The following ZNF536 variants were observed in gnomAD, a reference collection of about 807,000 sequenced individuals.
ZNF536 encodes the protein zinc finger protein 536.
A neutral mutation model predicts 84.5 loss-of-function variants in ZNF536; 13 were observed. That is an observed-to-expected ratio of 0.15 (90% CI 0.10 to 0.24). The LOEUF is 0.24. Among genes scored for constraint, ZNF536 ranks in the 10% least tolerant of loss-of-function variants. The probability of loss-of-function intolerance (pLI) is 1.00; values close to 1 mark genes in which losing one functional copy is unlikely to be tolerated. For missense variants in ZNF536, 1,536 were observed against 1,747.5 expected, an observed-to-expected ratio of 0.88 and a Z score of 2.16; for synonymous variants, 811 against 742.5, an observed-to-expected ratio of 1.09 and a Z score of -1.50.
chr19:30,543,399 G>C (rs2045411238), intron 3 of ZNF536, among the ~76,000 whole-genome samples: 1 of 152,242 alleles, frequency 6.6e-6, no homozygotes, highest in African/African-American at 2.4e-5. Context: ...CACTCAACTA[G>C]ACAGAGCTGC....
At chr19:30,469,461 AG>A (rs913657653) in intron 2 of ZNF536, among the ~76,000 whole-genome samples, 77 of 152,114 alleles carry the variant, frequency 5.1e-4, no homozygotes, top group African/African-American at 1.9e-3. Context: ...AGCCTGCTGC[AG>A]GCTTTATCAC....
intron 1 of ZNF536, among the ~76,000 whole-genome samples, chr19:30,425,449 G>A (rs963806177): frequency 2.6e-5 from 4 of 152,170 alleles, no homozygotes; most frequent in African/African-American, 7.2e-5. Flanking sequence ...TCATATCAGT[G>A]CAAATATGTA....
At position 30,339,187 on chromosome 19, in the gene ZNF536, G is replaced by A. The variant is rs186658868; in HGVS notation, c.-119-13181G>A. Among the ~76,000 whole-genome samples, 191 of 152,334 alleles carry A rather than the reference G, an allele frequency of 1.3e-3. 1 individual carries two copies. Among genetic ancestry groups the A allele is most frequent in the Admixed American group, 3.5e-3 (53 of 15,298 alleles). On this transcript the variant is annotated intron_variant, in intron 2 of 5. Transcript: ENST00000585628. ...TGGAGCAGTGAAAAAAGGGGAGAGCGTCCCAGATTTAAATTTGGAATCCGC... is the reference window on the plus strand; with the variant it reads ...TGGAGCAGTGAAAAAAGGGGAGAGCATCCCAGATTTAAATTTGGAATCCGC...
chr19:30,299,440 A>G (rs1053156585), intron 2 of ZNF536, among the ~76,000 whole-genome samples: 2 of 152,168 alleles, frequency 1.3e-5, no homozygotes, highest in Non-Finnish European at 2.9e-5. Flanking sequence ...CAACAAATCC[A>G]TTGTGAATGA....
At chr19:30,300,610 G>A (rs546738412) in intron 2 of ZNF536, 1 of 152,314 alleles carries the variant, frequency 6.6e-6, no homozygotes, top group Non-Finnish European at 1.5e-5. Flanking sequence ...AGGGGCAATA[G>A]TTTGCCACTA....
At chr19:30,492,506 C>T (rs932014938) in intron 2 of ZNF536, among the ~76,000 whole-genome samples, 3 of 152,152 alleles carry the variant, frequency 2.0e-5, no homozygotes, top group Non-Finnish European at 4.4e-5. Context: ...TAAGAACACT[C>T]AAACCTTCCT....
At chr19:30,336,447 C>A (rs542955097) in intron 2 of ZNF536, among the ~76,000 whole-genome samples, 1 of 152,328 alleles carries the variant, frequency 6.6e-6, no homozygotes, top group African/African-American at 2.4e-5. Flanking sequence ...GCACACCATG[C>A]CTTGCCAGAG....
intron 2 of ZNF536, among the ~76,000 whole-genome samples, chr19:30,512,224 C>G (rs1353782625): frequency 6.6e-6 from 1 of 152,084 alleles, no homozygotes; most frequent in East Asian, 1.9e-4. Flanking sequence ...GGTTGTTTTT[C>G]CAATGCCTGC....
chr19:30,417,619 T>G (rs1006095849), intron 1 of ZNF536, among the ~76,000 whole-genome samples: 10 of 152,250 alleles, frequency 6.6e-5, no homozygotes, highest in Admixed American at 6.5e-4. Context: ...TTATTTAATT[T>G]TCTTTGCTAA....
chr19:30,266,192 C>T (rs1186137982), intron 1 of ZNF536, among the ~76,000 whole-genome samples: 1 of 152,134 alleles, frequency 6.6e-6, no homozygotes, highest in Non-Finnish European at 1.5e-5. Context: ...GAGACTACAG[C>T]CACGAGCCAC....
chr19:30,277,047 G>A (rs1486868557), intron 1 of ZNF536, among the ~76,000 whole-genome samples: 6 of 152,124 alleles, frequency 3.9e-5, no homozygotes, highest in African/African-American at 9.7e-5. Context: ...TACTTAGCTT[G>A]GATTGCAAAG....
At chr19:30,256,107 C>T (rs780848660) in intron 1 of ZNF536, among the ~76,000 whole-genome samples, 17 of 152,190 alleles carry the variant, frequency 1.1e-4, no homozygotes, top group Admixed American at 2.0e-4. Context: ...CTCTCTCCCA[C>T]GTCCCCTATA....
exon 2 of ZNF536, chr19:30,711,626 A>G (rs935242707): frequency 6.6e-6 from 1 of 152,210 alleles, no homozygotes; most frequent in African/African-American, 2.4e-5. Flanking sequence ...GAGATCTTAA[A>G]TGCGCATTTT....
intron 1 of ZNF536, among the ~76,000 whole-genome samples, chr19:30,591,577 A>G (rs1599907160): frequency 6.6e-6 from 1 of 152,180 alleles, no homozygotes; most frequent in South Asian, 2.1e-4. Context: ...TGCTCTTGAC[A>G]TGAGGGGATT....
chr19:30,678,535 C>T (rs369224015), intron 1 of ZNF536, among the ~76,000 whole-genome samples: 29 of 152,326 alleles, frequency 1.9e-4, no homozygotes, highest in East Asian at 7.7e-4. Flanking sequence ...GCTCAGTTTT[C>T]CCTTCTGCTC....
At position 30,594,168 on chromosome 19, in the gene ZNF536, C is replaced by T. The variant is rs151160899; in HGVS notation, c.169+44654C>T. Among the ~76,000 whole-genome samples, 28 of 152,354 alleles carry T rather than the reference C, an allele frequency of 1.8e-4. 1 individual carries two copies. The highest frequency in any genetic ancestry group is 6.0e-4 in the African/African-American group (25 of 41,584). ...AATAGGCGTTCAATCCTGGAGTGCG[C>T]AGAGTCACTTGCCCTGGACCTCATC... On this transcript the variant is annotated intron_variant, in intron 1 of 1. Transcript: ENST00000592773.
chr19:30,385,078 C>A (rs1047491258), intron 1 of ZNF536, among the ~76,000 whole-genome samples: 6 of 152,148 alleles, frequency 3.9e-5, no homozygotes, highest in African/African-American at 1.4e-4. Flanking sequence ...GTTGCCAGTC[C>A]TTGTCACCTG....
At chr19:30,402,692 C>T (rs1042162719) in intron 1 of ZNF536, among the ~76,000 whole-genome samples, 1 of 151,380 alleles carries the variant, frequency 6.6e-6, no homozygotes, top group Non-Finnish European at 1.5e-5. Context: ...AATTCTCAAA[C>T]TGCCGCCTCC....
Position 30,633,965 on chromosome 19 carries a change from T to C in ZNF536, c.170-76792T>C, listed in dbSNP as rs192978787. On this transcript the variant is annotated intron_variant, in intron 1 of 1. Transcript: ENST00000592773. ...TTTTAATCAGCACATCAGTGTAACA[T>C]GTGGTGCTATTTCCCTCATGAAACA... Among the ~76,000 whole-genome samples the C allele has an allele frequency of 3.3e-5, 5 of 152,272 alleles. No homozygotes were observed. The East Asian group carries it at 9.7e-4, about 29-fold the overall frequency.
Sources: gnomAD v4.1 joint callset for allele counts (sites outside exome capture counted in the v4.1 genomes callset) on GRCh38, gnomAD v4.1.1 for gene constraint, MANE v1.5 for transcripts, NCBI Gene and HGNC (gene_info 2026-07-23, HGNC 2026-07-21) for gene names.